Variants in CYB5A observed in about 807,000 individuals in gnomAD.
The protein encoded by CYB5A is cytochrome b5 type A.
In CYB5A, 10 loss-of-function variants were observed where a neutral mutation model predicts 16.2. The ratio of observed to expected loss-of-function variants is 0.62; its 90% CI spans 0.38 to 1.04. The LOEUF is 1.04. CYB5A is among the 50% of genes least tolerant of loss of function. The pLI is 0.01. For synonymous variants in CYB5A, 62 were observed against 57.0 expected, an observed-to-expected ratio of 1.09 and a Z score of -0.40; for missense variants, 161 against 165.9, an observed-to-expected ratio of 0.97 and a Z score of 0.16.
intron 1 of CYB5A, among the ~76,000 whole-genome samples, chr18:74,288,195 T>A (rs558386579): frequency 6.6e-6 from 1 of 152,336 alleles, no homozygotes; most frequent in Middle Eastern, 3.4e-3. Flanking sequence ...TCGGAGCACA[T>A]GCTGCACCTG....
At chr18:74,278,601 C>T (rs1408546440) in intron 1 of CYB5A, among the ~76,000 whole-genome samples, 1 of 152,148 alleles carries the variant, frequency 6.6e-6, no homozygotes, top group Non-Finnish European at 1.5e-5. Context: ...TCCTGAATCA[C>T]AGAACCAAAT....
intron 1 of CYB5A, 129 bp downstream of exon 1, chr18:74,291,618 T>C (rs1983545638): frequency 4.3e-6 from 6 of 1,397,794 alleles, no homozygotes; most frequent in Non-Finnish European, 5.9e-6. Flanking sequence ...CACGCGCAGG[T>C]GAGCGAACTC....
intron 3 of CYB5A, chr18:74,260,099 C>T (rs956700563): frequency 2.6e-5 from 4 of 152,222 alleles, no homozygotes; most frequent in African/African-American, 9.7e-5. Context: ...AGCAACAGCT[C>T]AAAAAATCAG....
At chr18:74,276,020 A>G (rs903864630) in intron 1 of CYB5A, among the ~76,000 whole-genome samples, 1 of 151,920 alleles carries the variant, frequency 6.6e-6, no homozygotes, top group African/African-American at 2.4e-5. Context: ...ACCCAACACA[A>G]GCTCCAGCCT....
intron 1 of CYB5A, among the ~76,000 whole-genome samples, chr18:74,276,274 G>A (rs1422454184): frequency 2.0e-5 from 3 of 152,134 alleles, no homozygotes; most frequent in Non-Finnish European, 4.4e-5. Flanking sequence ...CACGAGGGAG[G>A]TGGGACGGGA....
intron 1 of CYB5A, among the ~76,000 whole-genome samples, chr18:74,280,167 ATGT>A (rs1983037809): frequency 6.6e-6 from 1 of 152,186 alleles, no homozygotes; most frequent in South Asian, 2.1e-4. Context: ...AGGGAACCAT[ATGT>A]TATTTGGGGG....
chr18:74,268,083 T>C (rs7234337), intron 1 of CYB5A, among the ~76,000 whole-genome samples: 5,142 of 152,314 alleles, frequency 0.034, 189 homozygotes, highest in African/African-American at 0.1. Flanking sequence ...CAAACACACA[T>C]GAACGTCTCC....
Position 74,264,800 on chromosome 18 carries a change from A to G in CYB5A, c.130-1323T>C, listed in dbSNP as rs200088471. On this transcript the variant is annotated intron_variant, in intron 1 of 4. Transcript: ENST00000340533. Reference sequence around the variant, plus strand: ...AAGGATGGTCATGATGCAGGGAGGGAAATTTTTTCTCCAAGATGATTGACA... The same window carrying G: ...AAGGATGGTCATGATGCAGGGAGGGGAATTTTTTCTCCAAGATGATTGACA... Among the ~76,000 whole-genome samples the G allele has an allele frequency of 1.2e-4, 18 of 152,158 alleles. No individual in the cohort carries two copies. The East Asian group carries it at 3.1e-3, about 26-fold the overall frequency.
intron 1 of CYB5A, among the ~76,000 whole-genome samples, chr18:74,283,787 C>T (rs1243101870): frequency 2.6e-5 from 4 of 152,176 alleles, no homozygotes; most frequent in Non-Finnish European, 4.4e-5. Flanking sequence ...GACACTGGGT[C>T]GCAGCGCCCG....
At chr18:74,287,590 C>A (rs1271046999) in intron 1 of CYB5A, among the ~76,000 whole-genome samples, 1 of 152,164 alleles carries the variant, frequency 6.6e-6, no homozygotes, top group African/African-American at 2.4e-5. Context: ...ACATTTAAGG[C>A]TCAGGTCCAA....
intron 4 of CYB5A, among the ~76,000 whole-genome samples, chr18:74,255,271 G>C (rs1240423762): frequency 1.3e-5 from 2 of 152,164 alleles, no homozygotes; most frequent in African/African-American, 4.8e-5. Context: ...AACAAATCTG[G>C]TGCCTAGAAC....
chr18:74,288,848 G>C (rs1324495874), intron 1 of CYB5A, among the ~76,000 whole-genome samples: 2 of 152,198 alleles, frequency 1.3e-5, no homozygotes, highest in Non-Finnish European at 2.9e-5. Context: ...GAAAGTCAAA[G>C]CAAATAATAA....
intron 1 of CYB5A, among the ~76,000 whole-genome samples, chr18:74,281,377 G>C (rs1354027537): frequency 6.6e-6 from 1 of 152,216 alleles, no homozygotes; most frequent in Non-Finnish European, 1.5e-5. Flanking sequence ...CCATGCTACT[G>C]TGTGAGCCTG....
chr18:74,253,908 G>C (rs1267239915), intron 4 of CYB5A, among the ~76,000 whole-genome samples: 1 of 152,264 alleles, frequency 6.6e-6, no homozygotes, highest in African/African-American at 2.4e-5. Flanking sequence ...GCTGGGCTCA[G>C]TGGCTCACGC....
chr18:74,275,829 G>C (rs1324106973), intron 1 of CYB5A, among the ~76,000 whole-genome samples: 1 of 152,170 alleles, frequency 6.6e-6, no homozygotes. Context: ...CAATAGAGCA[G>C]ATAAATAAAG....
At chr18:74,256,644 A>C in intron 3 of CYB5A, 1 of 596,592 alleles carries the variant, frequency 1.7e-6, no homozygotes, top group Non-Finnish European at 3.0e-6. Flanking sequence ...CTCAAACAGA[A>C]GTTGCCATAA....
intron 3 of CYB5A, chr18:74,256,783 A>C (rs1982000495): frequency 3.2e-6 from 5 of 1,582,956 alleles, no homozygotes; most frequent in South Asian, 1.1e-5. Context: ...GAAAAGACAG[A>C]CCCCTTTCAG....
chr18:74,256,722 C>T lies in CYB5A; in HGVS notation c.289-947G>A, dbSNP rs986208722. 3.1e-6 allele frequency: 3 copies of T among 979,844 alleles called. 1 individual carries two copies. The highest frequency in any genetic ancestry group is 4.1e-4 in the Middle Eastern group (2 of 4,834). The allele number at this position is 979,844 out of a possible 1,614,324, so 60.7% of individuals were successfully genotyped here. ...AAAGCATTAGCAAAACAATCAGCGGCCTGCAGTAAGGCAAGCATCACTCTG... is the reference window on the plus strand; with the variant it reads ...AAAGCATTAGCAAAACAATCAGCGGTCTGCAGTAAGGCAAGCATCACTCTG... On this transcript the variant is annotated intron_variant, in intron 3 of 4. Coordinates refer to ENST00000340533, the MANE Select transcript of CYB5A (RefSeq NM_148923.4).
At chr18:74,286,510 T>G (rs1323423518) in intron 1 of CYB5A, among the ~76,000 whole-genome samples, 1 of 152,224 alleles carries the variant, frequency 6.6e-6, no homozygotes, top group Non-Finnish European at 1.5e-5. Context: ...CTCTACATAT[T>G]TTTTCCAGTG....
Sources: allele counts gnomAD v4.1 joint callset (sites outside exome capture counted in the v4.1 genomes callset), GRCh38; gene constraint gnomAD v4.1.1; transcripts MANE v1.5; gene names NCBI Gene and HGNC (gene_info 2026-07-23, HGNC 2026-07-21).